Variants in CNTN4 observed in about 807,000 individuals in gnomAD.
CNTN4 encodes contactin 4.
A neutral mutation model predicts 122.5 loss-of-function variants in CNTN4; 77 were observed. That is an observed-to-expected ratio of 0.63 (90% CI 0.52 to 0.76). The LOEUF (loss-of-function observed/expected upper bound fraction) is 0.76, where lower values mean the gene tolerates loss of function less well. CNTN4 is among the 30% of genes least tolerant of loss of function. The pLI, the probability that CNTN4 is intolerant of heterozygous loss-of-function variation, is 0.00. For synonymous variants in CNTN4, 512 were observed against 447.0 expected (o/e 1.15, Z -1.83); for missense variants, 1,256 against 1,259.1 (o/e 1.00, Z 0.04).
intron 3 of CNTN4, among the ~76,000 whole-genome samples, chr3:2,503,713 A>T (rs1377869473): frequency 6.6e-6 from 1 of 152,112 alleles, no homozygotes; most frequent in African/African-American, 2.4e-5. Context: ...TAAAGTGGGT[A>T]GGGATGAGGA....
At chr3:2,252,848 T>G (rs2149690359) in intron 2 of CNTN4, among the ~76,000 whole-genome samples, 1 of 152,280 alleles carries the variant, frequency 6.6e-6, no homozygotes, top group Non-Finnish European at 1.5e-5. Context: ...AGCCAGATTG[T>G]CTCCCAAATT....
At chr3:2,294,647 A>AC (rs1370182719) in intron 2 of CNTN4, among the ~76,000 whole-genome samples, 2 of 152,078 alleles carry the variant, frequency 1.3e-5, no homozygotes, top group Non-Finnish European at 2.9e-5. Context: ...AACAACAACA[A>AC]AAAAGAATAG....
At chr3:2,846,164 A>T (rs1484793965) in intron 7 of CNTN4, among the ~76,000 whole-genome samples, 2 of 152,154 alleles carry the variant, frequency 1.3e-5, no homozygotes, top group African/African-American at 4.8e-5. Context: ...AACCCAGTTG[A>T]TATGATTTGG....
intron 13 of CNTN4, among the ~76,000 whole-genome samples, chr3:2,967,278 G>C (rs1692417591): frequency 6.6e-6 from 1 of 152,078 alleles, no homozygotes; most frequent in Non-Finnish European, 1.5e-5. Flanking sequence ...GATCTGGGTG[G>C]ACCCAGCTGA....
intron 8 of CNTN4, among the ~76,000 whole-genome samples, chr3:2,873,776 A>G (rs1364245756): frequency 6.6e-6 from 1 of 152,182 alleles, no homozygotes; most frequent in Non-Finnish European, 1.5e-5. Context: ...TCTAGATTGG[A>G]GACGTGATCT....
chr3:2,161,619 T>A (rs1321235734), intron 2 of CNTN4, among the ~76,000 whole-genome samples: 5 of 152,160 alleles, frequency 3.3e-5, no homozygotes, highest in Non-Finnish European at 5.9e-5. Context: ...TCATATTTTT[T>A]TCCTGGTGAA....
chr3:2,289,983 T>C (rs962734025), intron 2 of CNTN4, among the ~76,000 whole-genome samples: 2 of 122,142 alleles, frequency 1.6e-5, no homozygotes, highest in African/African-American at 2.5e-5. Context: ...TATTTAGTAT[T>C]TTTTAGATTA....
chr3:2,734,293 T>C (rs1373648413), intron 4 of CNTN4, among the ~76,000 whole-genome samples: 1 of 152,028 alleles, frequency 6.6e-6, no homozygotes, highest in Non-Finnish European at 1.5e-5. Flanking sequence ...ACCCCTGGGC[T>C]CAAGCAATCC....
intron 2 of CNTN4, among the ~76,000 whole-genome samples, chr3:2,274,703 G>C (rs752392828): frequency 6.6e-6 from 1 of 152,136 alleles, no homozygotes; most frequent in African/African-American, 2.4e-5. Flanking sequence ...GGAGGGAAGA[G>C]AAATTTGAGG....
rs150848246 is a variant in CNTN4 at position 2,757,287 on chromosome 3, C to T, written c.358+11590C>T. Among the ~76,000 whole-genome samples, 21 of 152,292 alleles carry T rather than the reference C, an allele frequency of 1.4e-4. No homozygotes were observed. The East Asian group carries it at 3.9e-3, about 28-fold the overall frequency. On this transcript the variant is annotated intron_variant, in intron 6 of 24. Transcript: ENST00000418658. ...TTTACCTCTCACTTGGAACAGACCTCTGCAGGCCTTCTCTGAAATAGGCAG... is the reference window on the plus strand; with the variant it reads ...TTTACCTCTCACTTGGAACAGACCTTTGCAGGCCTTCTCTGAAATAGGCAG...
intron 10 of CNTN4, among the ~76,000 whole-genome samples, chr3:2,889,170 C>A (rs908848074): frequency 6.6e-6 from 1 of 152,182 alleles, no homozygotes; most frequent in Non-Finnish European, 1.5e-5. Flanking sequence ...AGCCAGCCTT[C>A]AATGACCTCC....
chr3:2,225,170 GAAGT>G (rs2039230830), intron 2 of CNTN4, among the ~76,000 whole-genome samples: 2 of 146,096 alleles, frequency 1.4e-5, no homozygotes, highest in Admixed American at 6.8e-5. Flanking sequence ...CAAAAAAAAA[GAAGT>G]AATAAGGTTT....
intron 4 of CNTN4, among the ~76,000 whole-genome samples, chr3:2,582,423 G>A (rs950741859): frequency 6.0e-5 from 9 of 149,958 alleles, no homozygotes; most frequent in Non-Finnish European, 8.9e-5. Flanking sequence ...CCACTCCTCC[G>A]TTATGGAGCT....
intron 6 of CNTN4, among the ~76,000 whole-genome samples, chr3:2,801,637 A>G (rs548123263): frequency 3.3e-5 from 5 of 152,274 alleles, no homozygotes; most frequent in South Asian, 4.1e-4. Flanking sequence ...CCAGTATAGC[A>G]TTGCTTGTAT....
At chr3:2,567,971 T>A (rs1481924694) in intron 3 of CNTN4, among the ~76,000 whole-genome samples, 1 of 152,116 alleles carries the variant, frequency 6.6e-6, no homozygotes, top group Non-Finnish European at 1.5e-5. Context: ...TATTAGCACC[T>A]CCTGCTAAGT....
At chr3:2,655,580 A>T (rs1337064222) in intron 4 of CNTN4, among the ~76,000 whole-genome samples, 1 of 152,104 alleles carries the variant, frequency 6.6e-6, no homozygotes, top group Non-Finnish European at 1.5e-5. Flanking sequence ...GTTGGCAGGG[A>T]CTGGCCATGC....
intron 3 of CNTN4, among the ~76,000 whole-genome samples, chr3:2,439,813 A>T (rs2048372309): frequency 6.6e-6 from 1 of 152,188 alleles, no homozygotes; most frequent in Admixed American, 6.6e-5. Context: ...GTGATCCTCC[A>T]TTTCCAGTGC....
chr3:2,954,662 T>G (rs987769789), intron 13 of CNTN4, among the ~76,000 whole-genome samples: 1 of 152,022 alleles, frequency 6.6e-6, no homozygotes, highest in African/African-American at 2.4e-5. Flanking sequence ...AAGCCTGGAA[T>G]GGATAGCAAA....
chr3:2,591,423 G>GAT, intron 4 of CNTN4, among the ~76,000 whole-genome samples: 2 of 45,638 alleles, frequency 4.4e-5, no homozygotes, highest in East Asian at 4.1e-4. Context: ...GGAGTGCAGT[G>GAT]GCGGGATCTC....
Sources: allele counts gnomAD v4.1 joint callset (sites outside exome capture counted in the v4.1 genomes callset), GRCh38; gene constraint gnomAD v4.1.1; transcripts MANE v1.5; gene names NCBI Gene and HGNC (gene_info 2026-07-23, HGNC 2026-07-21).